The following XRCC4 variants were observed in gnomAD, a reference collection of about 807,000 sequenced individuals.
XRCC4 encodes X-ray repair cross complementing 4, also known as DNA repair protein XRCC4.
Under a neutral mutation model 39.1 loss-of-function variants are expected in XRCC4, and 28 were observed. The observed-to-expected ratio is 0.72, with a 90% confidence interval of 0.53 to 0.98. The LOEUF (loss-of-function observed/expected upper bound fraction) is 0.98, where lower values mean the gene tolerates loss of function less well. Among genes scored for constraint, XRCC4 ranks in the 50% least tolerant of loss-of-function variants. XRCC4 has a pLI of 0.00. For missense variants in XRCC4, 350 were observed against 376.4 expected, an observed-to-expected ratio of 0.93 and a Z score of 0.58; for synonymous variants, 123 against 126.4, an observed-to-expected ratio of 0.97 and a Z score of 0.18.
chr5:83,175,136 G>C lies in XRCC4; in HGVS notation c.316-20634G>C, dbSNP rs577024169. Among the ~76,000 whole-genome samples, 10 of 152,242 alleles carry C rather than the reference G, an allele frequency of 6.6e-5. No homozygotes were observed. In the South Asian group the frequency reaches 8.3e-4, roughly 13 times the overall value. On this transcript the variant is annotated intron_variant, in intron 3 of 7. Transcript: ENST00000396027. ...TAGTTTAGTCTTAGATTCAGAGTTT[G>C]AAAACTGAACTTACTACTATTAACT...
rs772551617 is a variant in XRCC4 at position 83,214,719 on chromosome 5, C to T, written c.745+9798C>T. On this transcript the variant is annotated intron_variant, in intron 6 of 7. Coordinates refer to ENST00000396027, the MANE Select transcript of XRCC4 (RefSeq NM_003401.5). ...GGGCATCGTGTGGGCGCCTGTAGTC[C>T]CAGCTACTCGGGAGGCTGAGGCAGG... is the stretch of plus-strand genomic sequence containing the variant. 1.1e-4 allele frequency among the ~76,000 whole-genome samples: 17 copies of T among 151,654 alleles called. 1 individual carries two copies. The highest frequency in any genetic ancestry group is 6.6e-5 in the Admixed American group (1 of 15,230).
intron 1 of XRCC4, among the ~76,000 whole-genome samples, chr5:83,095,359 G>C (rs926308500): frequency 2.0e-5 from 3 of 152,148 alleles, no homozygotes; most frequent in Admixed American, 6.5e-5. Context: ...GTTGCAGGAG[G>C]GTCCTTGAGG....
chr5:83,169,682 T>TA (rs1331873562), intron 3 of XRCC4, among the ~76,000 whole-genome samples: 2 of 152,208 alleles, frequency 1.3e-5, no homozygotes, highest in African/African-American at 2.4e-5. Context: ...TAGTGGGTCT[T>TA]ACTTGTCTTT....
At chr5:83,099,255 T>C (rs1277250239) in intron 1 of XRCC4, among the ~76,000 whole-genome samples, 1 of 152,100 alleles carries the variant, frequency 6.6e-6, no homozygotes, top group Non-Finnish European at 1.5e-5. Context: ...TACAACTCTT[T>C]GGCAGAGCTG....
rs988812014 is a variant in XRCC4, at chr5:83,082,607, G to A, written c.-11+4992G>A. The stretch of plus-strand genomic sequence containing the variant: ...TCATAGTAGAAGCTAACAGCCTTAC[G>A]TTGGCCTACAATAGTCTACATCAGT... On this transcript the variant is annotated intron_variant, in intron 1 of 7. Transcript: ENST00000396027. Among the ~76,000 whole-genome samples, 13 of 152,238 alleles carry A rather than the reference G, an allele frequency of 8.5e-5. No homozygotes were observed. The East Asian group carries it at 1.5e-3, about 18-fold the overall frequency.
At chr5:83,258,731 C>G in intron 7 of XRCC4, 54 bp downstream of exon 7, 1 of 1,544,918 alleles carries the variant, frequency 6.5e-7, no homozygotes, top group Non-Finnish European at 8.7e-7. Context: ...GAAAATCTAG[C>G]ATATGATCTT....
intron 7 of XRCC4, among the ~76,000 whole-genome samples, chr5:83,289,290 T>C (rs970040408): frequency 2.0e-5 from 3 of 151,950 alleles, no homozygotes; most frequent in Non-Finnish European, 2.9e-5. Flanking sequence ...GTTTCTACTA[T>C]TAAACTATGT....
chr5:83,318,028 TG>T (rs1755935807), intron 7 of XRCC4, among the ~76,000 whole-genome samples: 1 of 132,086 alleles, frequency 7.6e-6, no homozygotes, highest in African/African-American at 3.6e-5. Flanking sequence ...GCTTCATCCC[TG>T]GGATGCAAGG....
intron 1 of XRCC4, among the ~76,000 whole-genome samples, chr5:83,094,698 A>T (rs1745596205): frequency 6.7e-6 from 1 of 149,452 alleles, no homozygotes; most frequent in Admixed American, 6.7e-5. Flanking sequence ...TTCCCAAAAG[A>T]GTTGAGGTTT....
the XRCC4 span, among the ~76,000 whole-genome samples, chr5:83,372,125 A>C: frequency 6.6e-6 from 1 of 152,326 alleles, no homozygotes; most frequent in East Asian, 1.9e-4. Context: ...TAAGTCACAA[A>C]ATTGTGAAGA....
chr5:83,100,201 G>A (rs1022475672), intron 1 of XRCC4, among the ~76,000 whole-genome samples: 2 of 152,018 alleles, frequency 1.3e-5, no homozygotes, highest in Admixed American at 1.3e-4. Context: ...GTGGTTCACA[G>A]GTAGTCTCCA....
At chr5:83,360,631 T>C in the XRCC4 span, among the ~76,000 whole-genome samples, 7 of 152,110 alleles carry the variant, frequency 4.6e-5, no homozygotes, top group East Asian at 1.4e-3. Flanking sequence ...GAGAGTCAAA[T>C]CTCTGCTATG....
chr5:83,089,414 T>C (rs1345271795), intron 1 of XRCC4, among the ~76,000 whole-genome samples: 2 of 152,178 alleles, frequency 1.3e-5, no homozygotes, highest in African/African-American at 2.4e-5. Flanking sequence ...CCTCTTTTTT[T>C]CCCCCAGTGG....
chr5:83,086,594 C>CTGGCAGAGGTGGCAGAGG (rs779549624), intron 1 of XRCC4, among the ~76,000 whole-genome samples: 1 of 152,022 alleles, frequency 6.6e-6, no homozygotes, highest in African/African-American at 2.4e-5. Context: ...TGTCTCTGGG[C>CTGGCAGAGGTGGCAGAGG]TGGCAGAGGT....
At chr5:83,134,578 C>T (rs1747788359) in intron 3 of XRCC4, among the ~76,000 whole-genome samples, 1 of 152,180 alleles carries the variant, frequency 6.6e-6, no homozygotes, top group African/African-American at 2.4e-5. Context: ...AATCAGCTCT[C>T]TGCAAAATTG....
intron 1 of XRCC4, among the ~76,000 whole-genome samples, chr5:83,080,452 G>T (rs1439749489): frequency 6.6e-6 from 1 of 152,002 alleles, no homozygotes; most frequent in Non-Finnish European, 1.5e-5. Flanking sequence ...ATTGAACCCG[G>T]GAGGTGGAGG....
intron 4 of XRCC4, among the ~76,000 whole-genome samples, chr5:83,196,311 C>A (rs1750945286): frequency 6.6e-6 from 1 of 151,910 alleles, no homozygotes; most frequent in Admixed American, 6.6e-5. Flanking sequence ...TAATTGATTT[C>A]TCATTTGGGC....
At chr5:83,078,106 T>C (rs1744753363) in intron 1 of XRCC4, among the ~76,000 whole-genome samples, 1 of 152,242 alleles carries the variant, frequency 6.6e-6, no homozygotes, top group African/African-American at 2.4e-5. Context: ...GGGAAGGAAC[T>C]GCCGTTTGCG....
At chr5:83,349,232 G>A (rs185627609) in intron 7 of XRCC4, among the ~76,000 whole-genome samples, 115 of 152,174 alleles carry the variant, frequency 7.6e-4, no homozygotes, top group African/African-American at 2.5e-3. Context: ...GTCCACCCCC[G>A]TGATCCAATC....
Sources: allele counts gnomAD v4.1 joint callset (sites outside exome capture counted in the v4.1 genomes callset), GRCh38; gene constraint gnomAD v4.1.1; transcripts MANE v1.5; gene names NCBI Gene and HGNC (gene_info 2026-07-23, HGNC 2026-07-21).